Variants in SGK1 observed in about 807,000 individuals in gnomAD.
The protein encoded by SGK1 is serine/threonine-protein kinase Sgk1.
In SGK1, 26 loss-of-function variants were observed where a neutral mutation model predicts 64.2. The observed-to-expected ratio is 0.40, with a 90% confidence interval of 0.30 to 0.56. The LOEUF (loss-of-function observed/expected upper bound fraction) is 0.56, where lower values mean the gene tolerates loss of function less well. Among genes scored for constraint, SGK1 ranks in the 20% least tolerant of loss-of-function variants. SGK1 has a pLI of 0.38. For synonymous variants in SGK1, 265 were observed against 239.7 expected, an observed-to-expected ratio of 1.11 and a Z score of -0.98; for missense variants, 519 against 645.6, an observed-to-expected ratio of 0.80 and a Z score of 2.12.
intron 2 of SGK1, among the ~76,000 whole-genome samples, chr6:134,208,145 C>G (rs1775824323): frequency 6.6e-6 from 1 of 152,132 alleles, no homozygotes; most frequent in Non-Finnish European, 1.5e-5. Flanking sequence ...CTCCTGACCT[C>G]AAATGATCCG....
chr6:134,265,464 A>AAAAC (rs948811152), intron 1 of SGK1, among the ~76,000 whole-genome samples: 9 of 150,534 alleles, frequency 6.0e-5, no homozygotes, highest in Non-Finnish European at 1.2e-4. Context: ...TCTGTCTCAA[A>AAAAC]AAACAAACAA....
chr6:134,235,051 A>G (rs957493558), intron 2 of SGK1, among the ~76,000 whole-genome samples: 2 of 152,234 alleles, frequency 1.3e-5, no homozygotes, highest in Admixed American at 1.3e-4. Context: ...AAGACAGTCT[A>G]TGAATTTATA....
At chr6:134,242,582 T>A (rs1483167821) in intron 2 of SGK1, among the ~76,000 whole-genome samples, 2 of 152,138 alleles carry the variant, frequency 1.3e-5, no homozygotes. Flanking sequence ...CCACAGTTGC[T>A]TTATAGTCCT....
At chr6:134,304,956 C>T (rs950218215) in intron 1 of SGK1, among the ~76,000 whole-genome samples, 3 of 152,120 alleles carry the variant, frequency 2.0e-5, no homozygotes, top group African/African-American at 7.2e-5. Flanking sequence ...TGATTTCCTT[C>T]AGAAAAGAAA....
chr6:134,304,291 C>CT (rs1777501884), intron 1 of SGK1, among the ~76,000 whole-genome samples: 2 of 152,176 alleles, frequency 1.3e-5, no homozygotes. Context: ...AGCTTTTGCT[C>CT]ATCAAATTCT....
At chr6:134,265,721 G>C (rs1239180192) in intron 1 of SGK1, among the ~76,000 whole-genome samples, 1 of 148,384 alleles carries the variant, frequency 6.7e-6, no homozygotes, top group East Asian at 2.0e-4. Flanking sequence ...TTAGTATCAT[G>C]GGTGTTTTAT....
intron 2 of SGK1, among the ~76,000 whole-genome samples, chr6:134,245,037 A>C (rs933475482): frequency 6.6e-6 from 1 of 152,176 alleles, no homozygotes; most frequent in Non-Finnish European, 1.5e-5. Flanking sequence ...TGGCCTCCCA[A>C]AGTGCTGGGA....
chr6:134,291,937 C>A (rs1045536730), intron 1 of SGK1, among the ~76,000 whole-genome samples: 1 of 151,842 alleles, frequency 6.6e-6, no homozygotes, highest in East Asian at 1.9e-4. Context: ...CATGGTGGCA[C>A]GTGCTTTTAA....
chr6:134,292,779 T>C (rs897437814), intron 1 of SGK1, among the ~76,000 whole-genome samples: 2 of 152,188 alleles, frequency 1.3e-5, no homozygotes, highest in African/African-American at 2.4e-5. Flanking sequence ...CTTAAAACAC[T>C]TAAGCTAGTC....
intron 1 of SGK1, among the ~76,000 whole-genome samples, chr6:134,267,042 G>A (rs1325823237): frequency 6.6e-6 from 1 of 152,066 alleles, no homozygotes; most frequent in East Asian, 1.9e-4. Flanking sequence ...TTAAACAGAT[G>A]ATAAATCTAT....
intron 3 of SGK1, 54 bp from the exon 4 acceptor site, chr6:134,174,640 G>A: frequency 1.9e-6 from 3 of 1,603,272 alleles, no homozygotes; most frequent in Non-Finnish European, 2.6e-6. Flanking sequence ...CATAACGTCC[G>A]GCGCCACACA....
intron 3 of SGK1, among the ~76,000 whole-genome samples, chr6:134,201,630 G>C (rs1305646851): frequency 6.6e-6 from 1 of 152,130 alleles, no homozygotes. Flanking sequence ...CCAAAGTGCT[G>C]GGATTACAGG....
chr6:134,254,878 T>C (rs531487440), intron 2 of SGK1, among the ~76,000 whole-genome samples: 61 of 152,310 alleles, frequency 4.0e-4, no homozygotes, highest in African/African-American at 1.4e-3. Context: ...ATTTTTTTTT[T>C]CTTTTTTGAG....
intron 1 of SGK1, among the ~76,000 whole-genome samples, chr6:134,264,299 T>C (rs1239007386): frequency 1.3e-5 from 2 of 151,944 alleles, no homozygotes; most frequent in Admixed American, 1.3e-4. Flanking sequence ...TTTTGTATTT[T>C]TAGTAGAGAC....
intron 3 of SGK1, among the ~76,000 whole-genome samples, chr6:134,183,866 A>ACC: frequency 4.5e-5 from 1 of 22,130 alleles, no homozygotes; most frequent in South Asian, 2.1e-3. Flanking sequence ...CCCACCCCCC[A>ACC]CCCCCGGCAT....
chr6:134,201,431 G>A (rs138495362), intron 3 of SGK1, among the ~76,000 whole-genome samples: 200 of 144,988 alleles, frequency 1.4e-3, no homozygotes, highest in African/African-American at 4.8e-3. Flanking sequence ...GCCCAATCTC[G>A]GCTCATTGCA....
At chr6:134,179,574 C>A in intron 3 of SGK1, among the ~76,000 whole-genome samples, 1 of 146,764 alleles carries the variant, frequency 6.8e-6, no homozygotes. Context: ...AAGTCACTGG[C>A]AATGGTGGTT....
At chr6:134,253,799 C>A (rs1452924870) in intron 2 of SGK1, among the ~76,000 whole-genome samples, 3 of 152,126 alleles carry the variant, frequency 2.0e-5, no homozygotes, top group Non-Finnish European at 4.4e-5. Context: ...CTGTTTGCAG[C>A]ACCGTGGCTA....
At chr6:134,251,649 T>A (rs1185041390) in intron 2 of SGK1, among the ~76,000 whole-genome samples, 1 of 152,108 alleles carries the variant, frequency 6.6e-6, no homozygotes, top group Non-Finnish European at 1.5e-5. Flanking sequence ...CTGGAGAGCT[T>A]ATGAAATAAA....
Sources: gnomAD v4.1 joint callset for allele counts (sites outside exome capture counted in the v4.1 genomes callset) on GRCh38, gnomAD v4.1.1 for gene constraint, MANE v1.5 for transcripts, NCBI Gene and HGNC (gene_info 2026-07-23, HGNC 2026-07-21) for gene names.